Variants in NR3C2 observed in about 807,000 individuals in gnomAD.
NR3C2 encodes the protein nuclear receptor subfamily 3 group C member 2.
In NR3C2, 15 loss-of-function variants were observed where a neutral mutation model predicts 86.4. That is an observed-to-expected ratio of 0.17 (90% CI 0.12 to 0.27). The LOEUF is 0.27. NR3C2 is among the 10% of genes least tolerant of loss of function. The pLI is 1.00. For synonymous variants in NR3C2, 458 were observed against 450.5 expected, an observed-to-expected ratio of 1.02 and a Z score of -0.21; for missense variants, 960 against 1,195.6, an observed-to-expected ratio of 0.80 and a Z score of 2.91.
At chr4:148,274,139 A>G (rs1740840796) in intron 2 of NR3C2, among the ~76,000 whole-genome samples, 1 of 152,116 alleles carries the variant, frequency 6.6e-6, no homozygotes, top group Admixed American at 6.6e-5. Flanking sequence ...GAGAAATAAT[A>G]TCTTTGTAAA....
chr4:148,387,709 C>T (rs1050915602), intron 2 of NR3C2, among the ~76,000 whole-genome samples: 2 of 152,084 alleles, frequency 1.3e-5, no homozygotes, highest in African/African-American at 4.8e-5. Context: ...ATGGTTGTAT[C>T]CTGAGAAAAG....
chr4:148,323,651 G>A (rs543645148), intron 2 of NR3C2, among the ~76,000 whole-genome samples: 5 of 152,156 alleles, frequency 3.3e-5, no homozygotes, highest in South Asian at 2.1e-4. Context: ...TCCAGAAGCC[G>A]TCAGTCACCC....
At chr4:148,225,538 G>C (rs1738108004) in intron 3 of NR3C2, among the ~76,000 whole-genome samples, 2 of 151,902 alleles carry the variant, frequency 1.3e-5, no homozygotes. Context: ...TCCTGAAACT[G>C]ACACAAATAT....
At position 148,436,278 on chromosome 4, in the gene NR3C2, A is replaced by T; in HGVS notation, c.583T>A (p.Cys195Ser). ...IMCHEKSPSV[C>S]SPLNMTSSVC... ...GAAGATGTCATGTTCAGAGGGCTGC[A>T]AACAGACGGGCTTTTCTCATGACAC... Residue 195 changes from cysteine (C) to serine (S), a missense_variant, in exon 2 of 9, where the codon TGC becomes AGC. This residue lies in a region of NR3C2 where 680 missense variants were observed against 719.0 expected (regional missense o/e 0.95). Coordinates refer to ENST00000358102, the MANE Select transcript of NR3C2 (RefSeq NM_000901.5). The T allele has an allele frequency of 6.2e-7, 1 of 1,614,178 alleles. No homozygotes were observed.
chr4:148,251,203 C>T (rs1030519425), intron 3 of NR3C2, among the ~76,000 whole-genome samples: 1 of 152,114 alleles, frequency 6.6e-6, no homozygotes, highest in African/African-American at 2.4e-5. Flanking sequence ...TAATAATCCA[C>T]CCGCCTAAAC....
At chr4:148,433,097 C>G (rs908034740) in intron 2 of NR3C2, among the ~76,000 whole-genome samples, 4 of 152,072 alleles carry the variant, frequency 2.6e-5, no homozygotes, top group African/African-American at 9.7e-5. Context: ...AGGATAGGCT[C>G]AAGGTCACTA....
At chr4:148,167,704 C>A (rs1423486975) in intron 4 of NR3C2, among the ~76,000 whole-genome samples, 1 of 152,176 alleles carries the variant, frequency 6.6e-6, no homozygotes, top group Non-Finnish European at 1.5e-5. Flanking sequence ...TAAGTAAATG[C>A]TTTGCTGACC....
At chr4:148,440,533 G>A (rs138238727) in intron 1 of NR3C2, among the ~76,000 whole-genome samples, 139 of 152,354 alleles carry the variant, frequency 9.1e-4, no homozygotes, top group African/African-American at 3.0e-3. Context: ...AGGCTTGCCT[G>A]CCTCACAATG....
At chr4:148,278,350 T>C (rs544931639) in intron 2 of NR3C2, among the ~76,000 whole-genome samples, 1 of 152,190 alleles carries the variant, frequency 6.6e-6, no homozygotes, top group Non-Finnish European at 1.5e-5. Flanking sequence ...TCTGCCAGCC[T>C]TGGACTCCCA....
intron 2 of NR3C2, among the ~76,000 whole-genome samples, chr4:148,306,180 A>G (rs967278282): frequency 1.3e-5 from 2 of 152,250 alleles, no homozygotes; most frequent in South Asian, 4.1e-4. Context: ...CATTTTCAAA[A>G]AAGAAATGGA....
intron 2 of NR3C2, among the ~76,000 whole-genome samples, chr4:148,373,850 T>C (rs951422331): frequency 1.3e-5 from 2 of 152,206 alleles, no homozygotes; most frequent in Admixed American, 6.5e-5. Context: ...ACTCAGTTAA[T>C]AGGATATATC....
At chr4:148,249,796 G>C (rs1269408330) in intron 3 of NR3C2, among the ~76,000 whole-genome samples, 3 of 152,190 alleles carry the variant, frequency 2.0e-5, no homozygotes, top group Non-Finnish European at 4.4e-5. Flanking sequence ...TAATGTTAGA[G>C]TCAACAAATT....
In NR3C2 at chr4:148,154,767, G is replaced by C. The variant is rs770966721; in HGVS notation, c.2149C>G (p.Pro717Ala). 4.2e-6 allele frequency: 6 copies of C among 1,425,476 alleles called. No homozygotes were observed. The highest frequency in any genetic ancestry group is 4.7e-6 in the Non-Finnish European group (5 of 1,071,234). The allele number at this position is 1,425,476 out of a possible 1,614,324, so 88.3% of individuals were successfully genotyped here. ...GTTYIAPAKEPSVNTALVPQL... is the reference protein window; with the variant it reads ...GTTYIAPAKEASVNTALVPQL... ...GGAACCAGTGCTGTGTTGACCGAGG[G>C]TTCTTTTGCAGGAGCGATGTACGTT... is the stretch of plus-strand genomic sequence containing the variant. The change falls in exon 5 of 9, where the codon CCC becomes GCC. Residue 717 changes from proline to alanine, a missense_variant. Pro to Ala is a conservative substitution (Grantham distance 27, BLOSUM62 -1). Around this residue, in one of 4 missense-constraint regions of NR3C2, gnomAD observed 82 missense variants for 73.0 expected, o/e 1.12. Transcript: ENST00000358102.
Position 148,079,257 on chromosome 4 carries a change from G to GTT in NR3C2, c.*2086_*2087insAA, listed in dbSNP as rs1730431235. The GTT allele has an allele frequency of 6.6e-6, 1 of 152,258 alleles. No individual in the cohort carries two copies. The highest frequency in any genetic ancestry group is 2.1e-4 in the South Asian group (1 of 4,820). The allele number at this position is 152,258 out of a possible 1,614,324, so 9.4% of individuals were successfully genotyped here. A position where few individuals can be genotyped will look rare whatever the true frequency, so the allele number is the denominator to read the frequency against. Reference sequence around the variant, plus strand: ...TGTGGCTTTCATATTACTGTGCACCGTAAGTTGACTGTATTTAAAGATCTG... The same window carrying GTT: ...TGTGGCTTTCATATTACTGTGCACCGTTTAAGTTGACTGTATTTAAAGATCTG... On this transcript the variant is annotated 3_prime_UTR_variant, in exon 9 of 9. Coordinates refer to ENST00000358102, the MANE Select transcript of NR3C2 (RefSeq NM_000901.5).
Position 148,436,643 on chromosome 4 carries a change from C to T in NR3C2, c.218G>A (p.Cys73Tyr), listed in dbSNP as rs776685641. The T allele has an allele frequency of 9.8e-5, 158 of 1,614,034 alleles. 1 individual carries two copies. The East Asian group carries it at 3.5e-3, about 36-fold the overall frequency. ...AGGCCGATTATTGTCTTGCTGAAGG[C>T]AAGGGAGTAGTTCTTGTTTTTCTTT... is the stretch of plus-strand genomic sequence containing the variant. ...SSKEKQELLP[C>Y]LQQDNNRPGI... The change falls in exon 2 of 9, where the codon TGC (cysteine) becomes TAC (tyrosine). Residue 73 changes from cysteine to tyrosine, a missense_variant. Physicochemically the swap from Cys to Tyr is radical, Grantham distance 194 (BLOSUM62 -2). This residue lies in a region of NR3C2 where 680 missense variants were observed against 719.0 expected (regional missense o/e 0.95). Transcript: ENST00000358102.
rs188738299 is a variant in NR3C2 at position 148,407,923 on chromosome 4, G to A, written c.1757+27181C>T. Among the ~76,000 whole-genome samples the A allele has an allele frequency of 8.7e-4, 132 of 152,108 alleles. 2 individuals are homozygous for A. Among genetic ancestry groups the A allele is most frequent in the Non-Finnish European group, 7.9e-4 (54 of 67,998 alleles). On this transcript the variant is annotated intron_variant, in intron 2 of 8. Coordinates refer to ENST00000358102, the MANE Select transcript of NR3C2 (RefSeq NM_000901.5). ...AGCAAGTTAACGTAAAGAAAGTCCCGATAACCTGTTAGCATGCTCTCAGTA... is the reference window on the plus strand; with the variant it reads ...AGCAAGTTAACGTAAAGAAAGTCCCAATAACCTGTTAGCATGCTCTCAGTA...
chr4:148,081,645 C>A, intron 8 of NR3C2, 146 bp from the exon 9 acceptor site: 1 of 1,117,232 alleles, frequency 9.0e-7, no homozygotes, highest in Non-Finnish European at 1.3e-6. Context: ...GCAGAGTCAT[C>A]TGTCCTGGGA....
intron 3 of NR3C2, among the ~76,000 whole-genome samples, chr4:148,223,342 G>A (rs573463466): frequency 2.2e-4 from 34 of 152,256 alleles, no homozygotes; most frequent in Non-Finnish European, 4.0e-4. Flanking sequence ...CCCTCCCTAA[G>A]CACTACCATG....
intron 2 of NR3C2, among the ~76,000 whole-genome samples, chr4:148,431,494 A>T (rs1427084834): frequency 2.6e-5 from 4 of 152,190 alleles, no homozygotes; most frequent in Non-Finnish European, 5.9e-5. Context: ...ATGTCCAAGC[A>T]GACAGGGGAG....
Sources: gnomAD v4.1 joint callset for allele counts (sites outside exome capture counted in the v4.1 genomes callset) on GRCh38, gnomAD v4.1.1 for gene constraint, gnomAD v4.1.1 regional missense constraint, MANE v1.5 for transcripts, NCBI Gene and HGNC (gene_info 2026-07-23, HGNC 2026-07-21) for gene names.